CHD7: variants seen among roughly 807,000 people sequenced by gnomAD.
CHD7 encodes the protein chromodomain helicase DNA binding protein 7.
A neutral mutation model predicts 307.3 loss-of-function variants in CHD7; 24 were observed. The ratio of observed to expected loss-of-function variants is 0.08; its 90% CI spans 0.06 to 0.11. CHD7 has a LOEUF of 0.11. Among genes scored for constraint, CHD7 ranks in the 10% least tolerant of loss-of-function variants. The probability of loss-of-function intolerance (pLI) is 1.00; values close to 1 mark genes in which losing one functional copy is unlikely to be tolerated. For synonymous variants in CHD7, 1,363 were observed against 1,349.9 expected (o/e 1.01, Z -0.21); for missense variants, 3,106 against 3,727.1 (o/e 0.83, Z 4.34).
chr8:60,700,905 A>C (rs143313110), intron 1 of CHD7, among the ~76,000 whole-genome samples: 1 of 152,252 alleles, frequency 6.6e-6, no homozygotes. Flanking sequence ...TCACTGCCTC[A>C]GAGCACGGTG....
At chr8:60,687,388 A>G (rs1008063821) in intron 1 of CHD7, among the ~76,000 whole-genome samples, 1 of 152,222 alleles carries the variant, frequency 6.6e-6, no homozygotes, top group Non-Finnish European at 1.5e-5. Flanking sequence ...ACTATATTGA[A>G]ATTGTTGAGC....
intron 3 of CHD7, among the ~76,000 whole-genome samples, chr8:60,783,127 T>A (rs1465473557): frequency 6.6e-6 from 1 of 152,176 alleles, no homozygotes. Flanking sequence ...TAAAAATGGA[T>A]TAAAAAAAGA....
At chr8:60,774,699 G>T (rs896028092) in intron 2 of CHD7, among the ~76,000 whole-genome samples, 1 of 152,222 alleles carries the variant, frequency 6.6e-6, no homozygotes, top group Non-Finnish European at 1.5e-5. Context: ...TATGGCGGAG[G>T]GTGAAGGAGC....
intron 2 of CHD7, among the ~76,000 whole-genome samples, chr8:60,780,595 A>G (rs1021275833): frequency 2.0e-5 from 3 of 152,222 alleles, no homozygotes; most frequent in African/African-American, 4.8e-5. Flanking sequence ...GCTAAATTAT[A>G]TACCTTTTAT....
chr8:60,781,168 A>T lies in CHD7; in HGVS notation c.1834A>T (p.Ser612Cys). 6.2e-7 allele frequency: 1 copy of T among 1,607,452 alleles called. No individual in the cohort carries two copies. ...CAACCACATTGTAGCAGAGGATCCC[A>T]GTAAAGGTTTTGGTAAAGATGACTT... ...KNNHIVAEDPSKGFGKDDFPG... is the reference protein window; with the variant it reads ...KNNHIVAEDPCKGFGKDDFPG... Residue 612 changes from serine (S) to cysteine (C), a missense_variant, in exon 3 of 38, where the codon AGT becomes TGT. Around this residue, in one of 10 missense-constraint regions of CHD7, gnomAD observed 998 missense variants for 1,004.5 expected, o/e 0.99. Coordinates refer to ENST00000423902, the MANE Select transcript of CHD7 (RefSeq NM_017780.4).
intron 6 of CHD7, among the ~76,000 whole-genome samples, chr8:60,803,515 A>G (rs1411858530): frequency 1.3e-5 from 2 of 152,188 alleles, no homozygotes; most frequent in African/African-American, 2.4e-5. Flanking sequence ...TAGGAGATTA[A>G]AAATCACTGT....
chr8:60,764,685 A>G (rs1422437938), intron 2 of CHD7, among the ~76,000 whole-genome samples: 1 of 152,160 alleles, frequency 6.6e-6, no homozygotes, highest in Non-Finnish European at 1.5e-5. Context: ...GCTGGATGCT[A>G]TGTGAGGTCC....
At chr8:60,756,712 C>T (rs1038348058) in intron 2 of CHD7, among the ~76,000 whole-genome samples, 6 of 152,074 alleles carry the variant, frequency 3.9e-5, no homozygotes, top group East Asian at 1.9e-4. Context: ...CACACATACG[C>T]GCATACACAC....
intron 33 of CHD7, 63 bp from the exon 34 acceptor site, chr8:60,856,382 C>G: frequency 6.9e-7 from 1 of 1,448,846 alleles, no homozygotes; most frequent in Non-Finnish European, 9.2e-7. Context: ...TTCTAAAAGC[C>G]AGCCCATATA....
Position 60,865,390 on chromosome 8 carries a change from T to C in CHD7, c.8451T>C (p.Asn2817=). ...TGTTTGGCTTGGGCGGGCTGTTGAA[T>C]AACCCTCTGTCAGCTGCTACTGGAA... ...PNVFGLGGLL[N]NPLSAATGNT... The change falls in exon 38 of 38, where the codon AAT becomes AAC. Residue 2817 remains asparagine, a synonymous_variant. Coordinates refer to ENST00000423902, the MANE Select transcript of CHD7 (RefSeq NM_017780.4). This position sits in a 1 kb window ranked among gnomAD's most constrained non-coding sequence, Gnocchi z 4.3. 1 of 1,613,410 alleles carries C rather than the reference T, an allele frequency of 6.2e-7. No individual in the cohort carries two copies. The highest frequency in any genetic ancestry group is 8.5e-7 in the Non-Finnish European group (1 of 1,179,766).
intron 1 of CHD7, among the ~76,000 whole-genome samples, chr8:60,709,065 A>C (rs550561394): frequency 6.6e-6 from 1 of 152,142 alleles, no homozygotes; most frequent in South Asian, 2.1e-4. Context: ...AATTCCTAAG[A>C]TTTTATTGCA....
intron 1 of CHD7, among the ~76,000 whole-genome samples, chr8:60,713,128 G>T (rs1185198586): frequency 1.4e-5 from 2 of 147,432 alleles, no homozygotes; most frequent in Non-Finnish European, 3.0e-5. Flanking sequence ...TTTTGTTGTT[G>T]TTGGGACAGA....
At chr8:60,831,413 G>A (rs989187824) in intron 15 of CHD7, among the ~76,000 whole-genome samples, 5 of 151,996 alleles carry the variant, frequency 3.3e-5, no homozygotes, top group South Asian at 2.1e-4. Flanking sequence ...AGGGGGTCAG[G>A]AAAACAATGA....
chr8:60,699,244 T>C (rs975413870), intron 1 of CHD7, among the ~76,000 whole-genome samples: 4 of 152,214 alleles, frequency 2.6e-5, no homozygotes, highest in African/African-American at 9.6e-5. Context: ...TGTCATGTGG[T>C]TAAATATGTA....
chr8:60,684,835 G>T lies in CHD7; in HGVS notation c.-175+5753G>T, dbSNP rs550435305. Among the ~76,000 whole-genome samples, 3 of 152,338 alleles carry T rather than the reference G, an allele frequency of 2.0e-5. No homozygotes were observed. The South Asian group carries it at 6.2e-4, about 32-fold the overall frequency. On this transcript the variant is annotated intron_variant, in intron 1 of 37. Coordinates refer to ENST00000423902, the MANE Select transcript of CHD7 (RefSeq NM_017780.4). ...AGATTGAATTGGTGGGTGCAGAGAG[G>T]ACAATAGGTTGTAGACAATATCCTG...
intron 1 of CHD7, among the ~76,000 whole-genome samples, 191 bp from the exon 2 acceptor site, chr8:60,741,068 T>C (rs1808974170): frequency 6.6e-6 from 1 of 152,258 alleles, no homozygotes; most frequent in Admixed American, 6.5e-5. Context: ...ATCATAATGA[T>C]GCTTCTGGTA....
chr8:60,743,310 A>G (rs1809152494), intron 2 of CHD7, among the ~76,000 whole-genome samples: 1 of 152,262 alleles, frequency 6.6e-6, no homozygotes, highest in South Asian at 2.1e-4. Flanking sequence ...TAGATAACTA[A>G]GACTGGGTCC....
intron 29 of CHD7, 51 bp from the exon 30 acceptor site, chr8:60,852,447 A>G (rs1805497576): frequency 1.3e-6 from 2 of 1,516,924 alleles, no homozygotes; most frequent in Admixed American, 1.9e-5. Flanking sequence ...AACAGTAAAT[A>G]TTAAGTCTTT....
chr8:60,826,563 G>T (rs930845166), intron 13 of CHD7, among the ~76,000 whole-genome samples: 2 of 152,250 alleles, frequency 1.3e-5, no homozygotes, highest in Non-Finnish European at 2.9e-5. Flanking sequence ...ACCTGCACTA[G>T]ACTCAGTTGC....
Sources: gnomAD v4.1 joint callset for allele counts (sites outside exome capture counted in the v4.1 genomes callset) on GRCh38, gnomAD v4.1.1 for gene constraint, gnomAD v4.1.1 regional missense constraint, Gnocchi (gnomAD v3.1) non-coding constraint, MANE v1.5 for transcripts, NCBI Gene and HGNC (gene_info 2026-07-23, HGNC 2026-07-21) for gene names.